The following CNTN5 variants were observed in gnomAD, a reference collection of about 807,000 sequenced individuals.
The protein encoded by CNTN5 is contactin-5.
Under a neutral mutation model 129.1 loss-of-function variants are expected in CNTN5, and 77 were observed. The observed-to-expected ratio is 0.60, with a 90% confidence interval of 0.50 to 0.72. The LOEUF (loss-of-function observed/expected upper bound fraction) is 0.72, where lower values mean the gene tolerates loss of function less well. Among genes scored for constraint, CNTN5 ranks in the 30% least tolerant of loss-of-function variants. The probability of loss-of-function intolerance (pLI) is 0.00; values close to 1 mark genes in which losing one functional copy is unlikely to be tolerated. For synonymous variants in CNTN5, 509 were observed against 465.6 expected, an observed-to-expected ratio of 1.09 and a Z score of -1.20; for missense variants, 1,478 against 1,328.8, an observed-to-expected ratio of 1.11 and a Z score of -1.75.
At chr11:99,566,369 C>G (rs766234043) in intron 3 of CNTN5, among the ~76,000 whole-genome samples, 1 of 152,184 alleles carries the variant, frequency 6.6e-6, no homozygotes, top group Non-Finnish European at 1.5e-5. Context: ...CCAATTAAGC[C>G]TCTCTTCTTT....
intron 1 of CNTN5, among the ~76,000 whole-genome samples, chr11:99,221,124 G>A (rs1860377343): frequency 6.6e-6 from 1 of 151,824 alleles, no homozygotes; most frequent in Non-Finnish European, 1.5e-5. Flanking sequence ...TAACAATTAG[G>A]AGATTTTCAT....
chr11:99,656,023 CAGGT>C (rs1481566759), intron 3 of CNTN5, among the ~76,000 whole-genome samples: 1 of 151,594 alleles, frequency 6.6e-6, no homozygotes, highest in Non-Finnish European at 1.5e-5. Flanking sequence ...CCTCTGAATA[CAGGT>C]ATGTGTGTAT....
At chr11:99,813,051 T>C (rs1225255482) in intron 3 of CNTN5, among the ~76,000 whole-genome samples, 1 of 152,092 alleles carries the variant, frequency 6.6e-6, no homozygotes, top group East Asian at 1.9e-4. Flanking sequence ...TACTCCCAGA[T>C]TGTAAATTCC....
intron 1 of CNTN5, among the ~76,000 whole-genome samples, chr11:99,202,602 T>C (rs936220313): frequency 2.0e-5 from 3 of 152,108 alleles, no homozygotes. Context: ...TTAATTTTTT[T>C]AATTGTTTAA....
intron 9 of CNTN5, among the ~76,000 whole-genome samples, chr11:100,054,234 A>G (rs1943104296): frequency 6.6e-6 from 1 of 151,750 alleles, no homozygotes; most frequent in Non-Finnish European, 1.5e-5. Flanking sequence ...GCCATACTCA[A>G]AGCATGGGTT....
chr11:99,124,458 TCATAA>T (rs1358833720), intron 1 of CNTN5, among the ~76,000 whole-genome samples: 1 of 151,960 alleles, frequency 6.6e-6, no homozygotes, highest in Non-Finnish European at 1.5e-5. Flanking sequence ...GTGTGTAGAA[TCATAA>T]CATCTACAAA....
chr11:99,169,164 A>G (rs1861029512), intron 1 of CNTN5, among the ~76,000 whole-genome samples: 3 of 152,198 alleles, frequency 2.0e-5, no homozygotes, highest in Admixed American at 6.5e-5. Flanking sequence ...ACACAGATAC[A>G]TGTACTTTGC....
At chr11:100,277,169 G>T (rs565053687) in intron 18 of CNTN5, among the ~76,000 whole-genome samples, 2 of 152,174 alleles carry the variant, frequency 1.3e-5, no homozygotes, top group African/African-American at 4.8e-5. Flanking sequence ...CTTTTGTATG[G>T]CTCAATAATA....
At chr11:99,952,131 G>A (rs1950691006) in intron 7 of CNTN5, among the ~76,000 whole-genome samples, 1 of 152,110 alleles carries the variant, frequency 6.6e-6, no homozygotes, top group Non-Finnish European at 1.5e-5. Flanking sequence ...ATTTCAGGTT[G>A]TCCCTCATGC....
chr11:99,979,776 G>C (rs1206461044), intron 8 of CNTN5, among the ~76,000 whole-genome samples: 1 of 152,048 alleles, frequency 6.6e-6, no homozygotes. Flanking sequence ...AATGTCTTTG[G>C]ATCCAAAGCA....
intron 1 of CNTN5, among the ~76,000 whole-genome samples, chr11:99,056,632 G>C (rs1028934685): frequency 6.6e-6 from 1 of 151,942 alleles, no homozygotes; most frequent in African/African-American, 2.4e-5. Context: ...GGTCCCAGAT[G>C]GGAACATAAG....
chr11:99,886,332 C>T (rs1444394912), intron 6 of CNTN5, among the ~76,000 whole-genome samples: 1 of 151,884 alleles, frequency 6.6e-6, no homozygotes, highest in Non-Finnish European at 1.5e-5. Flanking sequence ...TAAAGGACTT[C>T]TACAAATTAA....
chr11:99,842,600 T>G (rs1216574961), intron 4 of CNTN5, among the ~76,000 whole-genome samples: 1 of 152,194 alleles, frequency 6.6e-6, no homozygotes, highest in Non-Finnish European at 1.5e-5. Flanking sequence ...ATATGTGAAT[T>G]TTATGCAGCA....
At chr11:99,410,499 C>A (rs1213740911) in intron 2 of CNTN5, among the ~76,000 whole-genome samples, 2 of 151,638 alleles carry the variant, frequency 1.3e-5, no homozygotes, top group African/African-American at 4.8e-5. Context: ...AACTGTGGAA[C>A]AAAAGGTTTC....
chr11:99,143,388 T>C (rs540706426), intron 1 of CNTN5, among the ~76,000 whole-genome samples: 2 of 148,724 alleles, frequency 1.3e-5, no homozygotes, highest in East Asian at 1.9e-4. Context: ...ATATAAAATA[T>C]ACTGTAAATA....
chr11:99,845,667 C>T (rs553334746), intron 6 of CNTN5, among the ~76,000 whole-genome samples: 3 of 152,112 alleles, frequency 2.0e-5, no homozygotes, highest in Non-Finnish European at 4.4e-5. Context: ...CCACCGCGCC[C>T]GGCCCTTCTT....
intron 3 of CNTN5, among the ~76,000 whole-genome samples, chr11:99,772,750 C>T (rs1274778012): frequency 6.6e-6 from 1 of 151,914 alleles, no homozygotes; most frequent in African/African-American, 2.4e-5. Context: ...TGATATGCAA[C>T]CTATAAAAGT....
At chr11:100,051,381 C>G (rs1315686317) in intron 9 of CNTN5, among the ~76,000 whole-genome samples, 1 of 151,886 alleles carries the variant, frequency 6.6e-6, no homozygotes, top group Admixed American at 6.6e-5. Context: ...ATTCAAAACA[C>G]ACATCTAAAT....
intron 3 of CNTN5, among the ~76,000 whole-genome samples, chr11:99,761,717 A>G (rs1183335833): frequency 2.7e-5 from 4 of 150,900 alleles, no homozygotes; most frequent in Admixed American, 6.6e-5. Flanking sequence ...TAATGCCGCA[A>G]TAAACATACG....
Sources: allele counts gnomAD v4.1 joint callset (sites outside exome capture counted in the v4.1 genomes callset), GRCh38; gene constraint gnomAD v4.1.1; transcripts MANE v1.5; gene names NCBI Gene and HGNC (gene_info 2026-07-23, HGNC 2026-07-21).